HMCN1: variants seen among roughly 807,000 people sequenced by gnomAD.
HMCN1 encodes hemicentin-1.
Under a neutral mutation model 625.9 loss-of-function variants are expected in HMCN1, and 321 were observed. The observed-to-expected ratio is 0.51, with a 90% CI of 0.47 to 0.56. The LOEUF (loss-of-function observed/expected upper bound fraction) is 0.56, where lower values mean the gene tolerates loss of function less well. Among genes scored for constraint, HMCN1 ranks in the 20% least tolerant of loss-of-function variants. The pLI, the probability that HMCN1 is intolerant of heterozygous loss-of-function variation, is 0.00. For missense variants in HMCN1, 6,588 were observed against 6,887.3 expected, an observed-to-expected ratio of 0.96 and a Z score of 1.54; for synonymous variants, 2,425 against 2,417.6, an observed-to-expected ratio of 1.00 and a Z score of -0.09.
At chr1:185,798,394 GC>G (rs1214142500) in intron 1 of HMCN1, among the ~76,000 whole-genome samples, 1 of 152,078 alleles carries the variant, frequency 6.6e-6, no homozygotes, top group Non-Finnish European at 1.5e-5. Context: ...AGTTCTTTGA[GC>G]CTCTTAGATC....
chr1:185,782,842 AGGAGTATCTTTGT>A (rs1478664223), intron 1 of HMCN1, among the ~76,000 whole-genome samples: 1 of 151,938 alleles, frequency 6.6e-6, no homozygotes, highest in African/African-American at 2.4e-5. Context: ...GCTCTTCTTG[AGGAGTATCTTTGT>A]GGCGTTCTCT....
At chr1:185,933,127 A>G (rs372320597) in intron 10 of HMCN1, among the ~76,000 whole-genome samples, 78 of 151,992 alleles carry the variant, frequency 5.1e-4, no homozygotes, top group African/African-American at 1.9e-3. Context: ...CTTAAAGATG[A>G]TACTGTCATT....
At chr1:185,851,571 G>T (rs187327335) in intron 2 of HMCN1, among the ~76,000 whole-genome samples, 2 of 152,090 alleles carry the variant, frequency 1.3e-5, no homozygotes, top group Non-Finnish European at 2.9e-5. Flanking sequence ...CTGGGGAAAA[G>T]AAGGAAAGAC....
Position 186,005,397 on chromosome 1 carries a change from TTTAA to T in HMCN1, c.4475+1556_4475+1559del, listed in dbSNP as rs1167385343. Among the ~76,000 whole-genome samples, 53 of 149,652 alleles carry T rather than the reference TTTAA, an allele frequency of 3.5e-4. 1 individual carries two copies. The highest frequency in any genetic ancestry group is 7.4e-5 in the Non-Finnish European group (5 of 67,630). On this transcript the variant is annotated intron_variant, in intron 29 of 106. Transcript: ENST00000271588. ...GTTTATAAATGTTTATAAACAAGTT[TTTAA>T]TTGTTTATAAATGTTTATAAACAAG...
chr1:185,737,715 G>A (rs865961177), intron 1 of HMCN1, among the ~76,000 whole-genome samples: 7 of 152,136 alleles, frequency 4.6e-5, no homozygotes, highest in Non-Finnish European at 8.8e-5. Context: ...TAATAATCTT[G>A]AATGTTTATA....
At chr1:185,905,747 C>T (rs1300407701) in intron 4 of HMCN1, among the ~76,000 whole-genome samples, 2 of 151,694 alleles carry the variant, frequency 1.3e-5, no homozygotes, top group African/African-American at 4.8e-5. Flanking sequence ...ATAGCATGGG[C>T]TGCAAAATCT....
At chr1:185,864,398 C>T (rs1341476658) in intron 2 of HMCN1, 72 bp from the exon 3 acceptor site, 32 of 1,442,012 alleles carry the variant, frequency 2.2e-5, no homozygotes, top group Admixed American at 8.4e-5. Flanking sequence ...ACTCCCAAAG[C>T]ACCTTGTTAT....
intron 4 of HMCN1, 30 bp downstream of exon 4, chr1:185,865,893 T>C (rs757702652): frequency 3.7e-6 from 6 of 1,610,860 alleles, no homozygotes; most frequent in Non-Finnish European, 5.1e-6. Flanking sequence ...TCTACTTTAT[T>C]ACCAGCTGCC....
In HMCN1 at chr1:186,139,316, T is replaced by C. The variant is rs138166759; in HGVS notation, c.13924+1344T>C. The stretch of plus-strand genomic sequence containing the variant: ...TGATTACATTACAAAAACTAAGTAC[T>C]GTCCTGACGTCTTAAAATAAACGAG... On this transcript the variant is annotated intron_variant, in intron 89 of 106. Transcript: ENST00000271588. Among the ~76,000 whole-genome samples, 1,406 of 152,332 alleles carry C rather than the reference T, an allele frequency of 9.2e-3. 13 individuals carry two copies. The highest frequency in any genetic ancestry group is 0.028 in the South Asian group (135 of 4,834).
intron 21 of HMCN1, among the ~76,000 whole-genome samples, chr1:185,989,992 G>A (rs964147414): frequency 1.3e-5 from 2 of 152,108 alleles, no homozygotes; most frequent in African/African-American, 4.8e-5. Flanking sequence ...TTGGGTAGGA[G>A]TCTGCCTTGA....
chr1:185,903,082 AAATTTTCTCTCT>A (rs1336147519), intron 4 of HMCN1, among the ~76,000 whole-genome samples: 1 of 151,818 alleles, frequency 6.6e-6, no homozygotes, highest in Non-Finnish European at 1.5e-5. Context: ...CTGGCAAGCT[AAATTTTCTCTCT>A]CATTTGTAAC....
chr1:185,995,799 A>G (rs1652745705), intron 24 of HMCN1, among the ~76,000 whole-genome samples: 1 of 152,134 alleles, frequency 6.6e-6, no homozygotes, highest in African/African-American at 2.4e-5. Context: ...TCTGGACTGG[A>G]AAGAACCGGC....
intron 11 of HMCN1, among the ~76,000 whole-genome samples, chr1:185,950,249 A>G (rs28880362): frequency 0.046 from 6,769 of 147,806 alleles, 362 homozygotes; most frequent in African/African-American, 0.13. Context: ...AGGAGCCGGG[A>G]AGCAGAAAGT....
intron 1 of HMCN1, among the ~76,000 whole-genome samples, chr1:185,754,204 C>T (rs969035926): frequency 7.9e-5 from 12 of 151,944 alleles, no homozygotes; most frequent in Admixed American, 3.9e-4. Context: ...TATGTAGAGT[C>T]GAAAACAATC....
intron 89 of HMCN1, among the ~76,000 whole-genome samples, chr1:186,140,844 G>A (rs1649910564): frequency 6.6e-6 from 1 of 152,096 alleles, no homozygotes; most frequent in African/African-American, 2.4e-5. Context: ...TTATCACAGT[G>A]GAACCTAACC....
intron 24 of HMCN1, 119 bp from the exon 25 acceptor site, chr1:185,997,310 T>C (rs572661354): frequency 5.5e-6 from 4 of 725,944 alleles, no homozygotes; most frequent in African/African-American, 5.3e-5. Flanking sequence ...ATAGGAATCA[T>C]ATTTAAAAGA....
At chr1:185,842,133 C>T (rs1398184425) in intron 1 of HMCN1, among the ~76,000 whole-genome samples, 1 of 152,088 alleles carries the variant, frequency 6.6e-6, no homozygotes, top group Non-Finnish European at 1.5e-5. Context: ...CTACATAGTA[C>T]TATAGTTGTG....
intron 104 of HMCN1, among the ~76,000 whole-genome samples, chr1:186,180,737 A>T (rs191424476): frequency 0.011 from 1,735 of 152,272 alleles, 14 homozygotes; most frequent in Admixed American, 0.018. Context: ...TAAAGTAAAA[A>T]TTTATAGCTA....
At chr1:186,152,713 T>A (rs1378021352) in intron 95 of HMCN1, 37 bp from the exon 96 acceptor site, 1 of 1,612,626 alleles carries the variant, frequency 6.2e-7, no homozygotes, top group African/African-American at 1.3e-5. Context: ...GAAACCATAT[T>A]TTTTTGCTGT....
Sources: allele counts gnomAD v4.1 joint callset (sites outside exome capture counted in the v4.1 genomes callset), GRCh38; gene constraint gnomAD v4.1.1; transcripts MANE v1.5; gene names NCBI Gene and HGNC (gene_info 2026-07-23, HGNC 2026-07-21).